ZNF778: variants seen among roughly 807,000 people sequenced by gnomAD.
The protein encoded by ZNF778 is zinc finger protein 778.
A neutral mutation model predicts 23.9 loss-of-function variants in ZNF778; 37 were observed. The ratio of observed to expected loss-of-function variants is 1.54; its 90% CI spans 1.19 to 2.03. The LOEUF (loss-of-function observed/expected upper bound fraction) is 2.03, where lower values mean the gene tolerates loss of function less well. Among genes scored for constraint, ZNF778 ranks in the 30% most tolerant of loss-of-function variants. ZNF778 has a pLI of 0.00. For missense variants in ZNF778, 1,297 were observed against 934.4 expected, an observed-to-expected ratio of 1.39 and a Z score of -5.06; for synonymous variants, 483 against 343.9, an observed-to-expected ratio of 1.40 and a Z score of -4.48.
Position 89,232,672 on chromosome 16 carries a change from C to T in ZNF778, c.*4110C>T. On this transcript the variant is annotated 3_prime_UTR_variant, in exon 7 of 7. Transcript: ENST00000433976. ...TTTTTTTTTTGTTAGGGTACATTTT[C>T]ATCCTGGGGTCTTGCTGTGGGGGCT... 8.2e-7 allele frequency: 1 copy of T among 1,217,180 alleles called. No individual in the cohort carries two copies. The highest frequency in any genetic ancestry group is 3.0e-5 in the Admixed American group (1 of 33,064). 75.4% of individuals were successfully genotyped at this position (1,217,180 alleles called of 1,614,324 possible).
Position 89,230,122 on chromosome 16 carries a change from A to G in ZNF778, c.*1560A>G. The stretch of plus-strand genomic sequence containing the variant: ...CACCTGTAGGGTCCCACACTGGCCA[A>G]TGTTGGGGCATAACACAGCTCTACA... On this transcript the variant is annotated 3_prime_UTR_variant, in exon 7 of 7. Coordinates refer to ENST00000433976, the MANE Select transcript of ZNF778 (RefSeq NM_001201407.2). 4.0e-6 allele frequency: 3 copies of G among 746,052 alleles called. No homozygotes were observed. The highest frequency in any genetic ancestry group is 4.9e-6 in the Non-Finnish European group (3 of 612,660). 46.2% of individuals were successfully genotyped at this position (746,052 alleles called of 1,614,324 possible). A position where few individuals can be genotyped will look rare whatever the true frequency, so the allele number is the denominator to read the frequency against.
chr16:89,232,687 C>T lies in ZNF778; in HGVS notation c.*4125C>T. 8.0e-7 allele frequency: 1 copy of T among 1,243,884 alleles called. No homozygotes were observed. Among genetic ancestry groups the T allele is most frequent in the Non-Finnish European group, 1.0e-6 (1 of 962,088 alleles). The allele number at this position is 1,243,884 out of a possible 1,614,324, so 77.1% of individuals were successfully genotyped here. On this transcript the variant is annotated 3_prime_UTR_variant, in exon 7 of 7. Transcript: ENST00000433976. ...GGTACATTTTCATCCTGGGGTCTTG[C>T]TGTGGGGGCTAGACCGTCCCTCTCA... is the stretch of plus-strand genomic sequence containing the variant.
In ZNF778 at chr16:89,224,727, C is replaced by G. The variant is rs769515759; in HGVS notation, c.253C>G (p.Leu85Val). The change falls in exon 5 of 7, where the codon CTG becomes GTG. Residue 85 changes from leucine to valine, a missense_variant. Transcript: ENST00000433976. ...YENLASVGHH[L>V]FQPSVIYWLE... ...TCTTTCCCTGTGTACAGGACATCACCTGTTCCAACCCAGTGTGATCTATTG... is the reference window on the plus strand; with the variant it reads ...TCTTTCCCTGTGTACAGGACATCACGTGTTCCAACCCAGTGTGATCTATTG... The G allele has an allele frequency of 2.0e-6, 3 of 1,535,382 alleles. No individual in the cohort carries two copies. Among genetic ancestry groups the G allele is most frequent in the South Asian group, 1.2e-5 (1 of 84,034 alleles).
Position 89,230,110 on chromosome 16 carries a change from C to A in ZNF778, c.*1548C>A. 1.2e-6 allele frequency: 1 copy of A among 827,240 alleles called. No homozygotes were observed. Among genetic ancestry groups the A allele is most frequent in the Non-Finnish European group, 1.5e-6 (1 of 686,538 alleles). 51.2% of individuals were successfully genotyped at this position (827,240 alleles called of 1,614,324 possible). ...TTAGGCATGACCCACCTGTAGGGTC[C>A]CACACTGGCCAATGTTGGGGCATAA... On this transcript the variant is annotated 3_prime_UTR_variant, in exon 7 of 7. Coordinates refer to ENST00000433976, the MANE Select transcript of ZNF778 (RefSeq NM_001201407.2).
At position 89,233,514 on chromosome 16, in the gene ZNF778, A is replaced by C; in HGVS notation, c.*4952A>C. The C allele has an allele frequency of 7.8e-7, 1 of 1,277,132 alleles. No homozygotes were observed. Among genetic ancestry groups the C allele is most frequent in the Non-Finnish European group, 1.0e-6 (1 of 982,324 alleles). 79.1% of individuals were successfully genotyped at this position (1,277,132 alleles called of 1,614,324 possible). On this transcript the variant is annotated 3_prime_UTR_variant, in exon 7 of 7. Coordinates refer to ENST00000433976, the MANE Select transcript of ZNF778 (RefSeq NM_001201407.2). ...GTATGCAACTCAGCTTGCTCTGTGT[A>C]TGCAACTCAACTCGCACTGCGTATG...
Position 89,227,092 on chromosome 16 carries a change from C to T in ZNF778, c.804C>T (p.Cys268=), listed in dbSNP as rs764549938. The change falls in exon 7 of 7, where the codon TGC becomes TGT. Residue 268 remains cysteine, a synonymous_variant. Transcript: ENST00000433976. ...CGKALTHSMG[C]ATPVEMHAVR... ...AAGCTCTAACTCACTCCATGGGCTG[C>T]GCCACACCTGTTGAAATGCATGCCG... The T allele has an allele frequency of 3.5e-5, 56 of 1,613,848 alleles. No individual in the cohort carries two copies. The Middle Eastern group carries it at 9.9e-4, about 28-fold the overall frequency.
chr16:89,227,971 T>C lies in ZNF778; in HGVS notation c.1683T>C (p.Phe561=). Residue 561 remains phenylalanine (F), a synonymous_variant, in exon 7 of 7, where the codon TTT becomes TTC. Transcript: ENST00000433976. ...AAACTCACACAGAGGAGAAGCCCTT[T>C]ATATGTACGGTATGCAGGAAATCCT... The part of the protein sequence containing the change: ...HVKTHTEEKP[F]ICTVCRKSFR... 6.3e-7 allele frequency: 1 copy of C among 1,590,018 alleles called. No individual in the cohort carries two copies. The highest frequency in any genetic ancestry group is 8.6e-7 in the Non-Finnish European group (1 of 1,165,154).
chr16:89,222,355 C>G (rs746329708), intron 3 of ZNF778, among the ~76,000 whole-genome samples, 172 bp downstream of exon 3: 1 of 152,076 alleles, frequency 6.6e-6, no homozygotes, highest in African/African-American at 2.4e-5. Flanking sequence ...AAATCCTCCC[C>G]GTATTTCAGT....
In ZNF778 at chr16:89,235,087, T is replaced by C. The variant is rs2032199548; in HGVS notation, c.*6525T>C. ...TGCTTAATCCATTTGGAGTTGATTT[T>C]TGTTGACCGTATCTGTAGAGTGTAA... On this transcript the variant is annotated 3_prime_UTR_variant, in exon 7 of 7. Coordinates refer to ENST00000433976, the MANE Select transcript of ZNF778 (RefSeq NM_001201407.2). 1 of 152,202 alleles carries C rather than the reference T, an allele frequency of 6.6e-6. No individual in the cohort carries two copies. Among genetic ancestry groups the C allele is most frequent in the Admixed American group, 6.5e-5 (1 of 15,280 alleles). The allele number at this position is 152,202 out of a possible 1,614,324, so 9.4% of individuals were successfully genotyped here.
rs1347014010 is a variant in ZNF778 at position 89,217,757 on chromosome 16, C to G, written c.-285C>G. ...CGGTGCGTGCTGGCGCCGGAGAGTTCCGCGCGTGTCCTCGGGCTGTCCGCG... is the reference window on the plus strand; with the variant it reads ...CGGTGCGTGCTGGCGCCGGAGAGTTGCGCGCGTGTCCTCGGGCTGTCCGCG... On this transcript the variant is annotated 5_prime_UTR_variant, in exon 1 of 7. Coordinates refer to ENST00000433976, the MANE Select transcript of ZNF778 (RefSeq NM_001201407.2). 2.0e-5 allele frequency: 3 copies of G among 152,350 alleles called. No individual in the cohort carries two copies. Among genetic ancestry groups the G allele is most frequent in the South Asian group, 4.1e-4 (2 of 4,832 alleles). 9.4% of individuals were successfully genotyped at this position (152,350 alleles called of 1,614,324 possible). A position where few individuals can be genotyped will look rare whatever the true frequency, so the allele number is the denominator to read the frequency against.
Position 89,229,238 on chromosome 16 carries a change from T to C in ZNF778, c.*676T>C. The C allele has an allele frequency of 1.0e-6, 1 of 985,558 alleles. No homozygotes were observed. The highest frequency in any genetic ancestry group is 1.2e-6 in the Non-Finnish European group (1 of 830,074). The allele number at this position is 985,558 out of a possible 1,614,324, so 61.1% of individuals were successfully genotyped here. The stretch of plus-strand genomic sequence containing the variant: ...GGCTCTGGTTGGTTAGTCTTGAGGA[T>C]CCAGATGTGATTCTTTGAGCAGCGT... On this transcript the variant is annotated 3_prime_UTR_variant, in exon 7 of 7. Coordinates refer to ENST00000433976, the MANE Select transcript of ZNF778 (RefSeq NM_001201407.2).
chr16:89,221,877 C>T (rs1316600524), intron 2 of ZNF778, among the ~76,000 whole-genome samples: 3 of 150,356 alleles, frequency 2.0e-5, no homozygotes, highest in South Asian at 2.1e-4. Flanking sequence ...TGTGTGTTTT[C>T]CTGAGGTACT....
Position 89,231,444 on chromosome 16 carries a change from C to T in ZNF778, c.*2882C>T, listed in dbSNP as rs568591568. 6.6e-6 allele frequency: 1 copy of T among 152,356 alleles called. No individual in the cohort carries two copies. The highest frequency in any genetic ancestry group is 1.9e-4 in the East Asian group (1 of 5,184). The allele number at this position is 152,356 out of a possible 1,614,324, so 9.4% of individuals were successfully genotyped here. ...ATGCCCACTGTTGGTGGAGACATCACCCCAGCACAGACCTCAATTAAGACG... is the reference window on the plus strand; with the variant it reads ...ATGCCCACTGTTGGTGGAGACATCATCCCAGCACAGACCTCAATTAAGACG... On this transcript the variant is annotated 3_prime_UTR_variant, in exon 7 of 7. Transcript: ENST00000433976.
rs2031977738 is a variant in ZNF778, at chr16:89,232,507, C to G, written c.*3945C>G. The G allele has an allele frequency of 1.6e-5, 10 of 624,594 alleles. No individual in the cohort carries two copies. Among genetic ancestry groups the G allele is most frequent in the Non-Finnish European group, 2.3e-5 (10 of 430,128 alleles). 38.7% of individuals were successfully genotyped at this position (624,594 alleles called of 1,614,324 possible). A position where few individuals can be genotyped will look rare whatever the true frequency, so the allele number is the denominator to read the frequency against. On this transcript the variant is annotated 3_prime_UTR_variant, in exon 7 of 7. Coordinates refer to ENST00000433976, the MANE Select transcript of ZNF778 (RefSeq NM_001201407.2). ...ACTGGTTAGGCAGATACCTGTATTT[C>G]TCTTCCTAACTCTCAGAACGTGTTC...
intron 4 of ZNF778, among the ~76,000 whole-genome samples, chr16:89,223,910 T>C (rs796457340): frequency 3.8e-4 from 57 of 151,550 alleles, no homozygotes; most frequent in African/African-American, 1.4e-3. Context: ...CCGGGCGCGG[T>C]GGCTCATGCC....
intron 4 of ZNF778, 64 bp from the exon 5 acceptor site, chr16:89,224,655 C>G (rs901331316): frequency 1.7e-6 from 2 of 1,164,722 alleles, no homozygotes; most frequent in Admixed American, 2.0e-5. Context: ...AGTTCCTGTT[C>G]ACGGGTAGGT....
At position 89,234,077 on chromosome 16, in the gene ZNF778, T is replaced by A; in HGVS notation, c.*5515T>A. The A allele has an allele frequency of 9.5e-6, 6 of 631,794 alleles. No individual in the cohort carries two copies. The highest frequency in any genetic ancestry group is 1.5e-5 in the Non-Finnish European group (6 of 387,630). 39.1% of individuals were successfully genotyped at this position (631,794 alleles called of 1,614,324 possible). A position where few individuals can be genotyped will look rare whatever the true frequency, so the allele number is the denominator to read the frequency against. The stretch of plus-strand genomic sequence containing the variant: ...CTCCTGCCCAGCTCTGCAGCTCCCC[T>A]TGGGCCCTGCCTGGAGTGATGTGCC... On this transcript the variant is annotated 3_prime_UTR_variant, in exon 7 of 7. Coordinates refer to ENST00000433976, the MANE Select transcript of ZNF778 (RefSeq NM_001201407.2).
rs369539552 is a variant in ZNF778, at chr16:89,225,526, G to A, written c.329-29G>A. On this transcript the variant is annotated intron_variant, in intron 5 of 6. Transcript: ENST00000433976. ...AAAACAAATACCAATGAGTTTGATC[G>A]TTTTTAGGTCATTCTTCTTTCTTTT... 5.4e-4 allele frequency: 814 copies of A among 1,504,210 alleles called. 3 individuals carry two copies. The highest frequency in any genetic ancestry group is 7.0e-4 in the Non-Finnish European group (776 of 1,112,362). 93.2% of individuals were successfully genotyped at this position (1,504,210 alleles called of 1,614,324 possible).
rs752760443 is a variant in ZNF778 at position 89,226,778 on chromosome 16, G to A, written c.490G>A (p.Val164Met). The A allele has an allele frequency of 1.5e-5, 24 of 1,613,856 alleles. No individual in the cohort carries two copies. Among genetic ancestry groups the A allele is most frequent in the African/African-American group, 8.0e-5 (6 of 74,914 alleles). Residue 164 changes from valine to methionine, a missense_variant, in exon 7 of 7, where the codon GTG (valine) becomes ATG (methionine). By Grantham distance (21) the Val-to-Met change is conservative. Transcript: ENST00000433976. ...TGAACACTCAGGCCTCAGCACACAC[G>A]TGAGAACTCAAAATACAGGAGACAG... ...FSEHSGLSTH[V>M]RTQNTGDSCV...
Sources: allele counts gnomAD v4.1 joint callset (sites outside exome capture counted in the v4.1 genomes callset), GRCh38; gene constraint gnomAD v4.1.1; transcripts MANE v1.5; gene names NCBI Gene and HGNC (gene_info 2026-07-23, HGNC 2026-07-21).